PLGRKT: variants seen among roughly 807,000 people sequenced by gnomAD.
PLGRKT encodes plasminogen receptor (KT).
A neutral mutation model predicts 18.5 loss-of-function variants in PLGRKT; 22 were observed. The ratio of observed to expected loss-of-function variants is 1.19; its 90% CI spans 0.85 to 1.70. The LOEUF is 1.70. PLGRKT is among the 40% of genes most tolerant of loss of function. The probability of loss-of-function intolerance (pLI) is 0.00; values close to 1 mark genes in which losing one functional copy is unlikely to be tolerated. For synonymous variants in PLGRKT, 72 were observed against 52.8 expected (o/e 1.36, Z -1.58); for missense variants, 235 against 174.4 (o/e 1.35, Z -1.96).
chr9:5,380,183 T>C (rs1817712267), intron 3 of PLGRKT, among the ~76,000 whole-genome samples: 1 of 151,880 alleles, frequency 6.6e-6, no homozygotes, highest in Non-Finnish European at 1.5e-5. Context: ...GCTAACACGG[T>C]GAAACCCCGT....
intron 3 of PLGRKT, among the ~76,000 whole-genome samples, chr9:5,410,532 G>T (rs1256563198): frequency 6.7e-6 from 1 of 149,004 alleles, no homozygotes; most frequent in Non-Finnish European, 1.5e-5. Context: ...AAAGAAAAAA[G>T]AAAAAGAAAT....
At chr9:5,379,747 A>G (rs1241730424) in intron 3 of PLGRKT, among the ~76,000 whole-genome samples, 1 of 152,218 alleles carries the variant, frequency 6.6e-6, no homozygotes, top group African/African-American at 2.4e-5. Flanking sequence ...TGAGTCTCAT[A>G]TAGATAAAAA....
chr9:5,429,183 A>G (rs567168175), intron 3 of PLGRKT, among the ~76,000 whole-genome samples: 9 of 152,320 alleles, frequency 5.9e-5, no homozygotes, highest in Admixed American at 2.0e-4. Context: ...GATGTATTAC[A>G]TGCTTGTATT....
intron 3 of PLGRKT, among the ~76,000 whole-genome samples, chr9:5,403,525 A>T (rs117802049): frequency 6.6e-6 from 1 of 152,312 alleles, no homozygotes; most frequent in East Asian, 1.9e-4. Context: ...ACGCCCAGCC[A>T]TGATTCTCAT....
chr9:5,397,333 G>A (rs1404699635), intron 3 of PLGRKT, among the ~76,000 whole-genome samples: 3 of 151,870 alleles, frequency 2.0e-5, no homozygotes, highest in Admixed American at 1.3e-4. Flanking sequence ...TCCAAAGGCA[G>A]CTCTTCCCTG....
At chr9:5,366,315 G>A (rs900858878) in intron 3 of PLGRKT, among the ~76,000 whole-genome samples, 9 of 152,100 alleles carry the variant, frequency 5.9e-5, no homozygotes, top group Non-Finnish European at 1.2e-4. Flanking sequence ...AACATGTGCA[G>A]CAAGTTCTCT....
At chr9:5,400,672 T>G (rs1818137281) in intron 3 of PLGRKT, among the ~76,000 whole-genome samples, 3 of 151,878 alleles carry the variant, frequency 2.0e-5, no homozygotes, top group Admixed American at 2.0e-4. Flanking sequence ...ATAAAAGTAC[T>G]CAACCTTGTC....
chr9:5,384,180 TG>T (rs1817798790), intron 3 of PLGRKT, among the ~76,000 whole-genome samples: 1 of 152,212 alleles, frequency 6.6e-6, no homozygotes, highest in African/African-American at 2.4e-5. Flanking sequence ...AAGCCATTGT[TG>T]GGGGAGATCC....
intron 3 of PLGRKT, among the ~76,000 whole-genome samples, chr9:5,372,934 G>A (rs1563769269): frequency 6.6e-6 from 1 of 152,090 alleles, no homozygotes; most frequent in Admixed American, 6.5e-5. Context: ...TTTTCCCCGT[G>A]GTCACAGTTA....
rs71326158 is a variant in PLGRKT, at chr9:5,371,986, C to CTTTTTTTTTTTTTTTTTTTTTTTTTT, written c.82-10099_82-10098insAAAAAAAAAAAAAAAAAAAAAAAAAA. ...CTGCAAAAAACAATATCAGAAAATC[C>CTTTTTTTTTTTTTTTTTTTTTTTTTT]TTTTTTTTTTTTTGATATGGAGTCT... On this transcript the variant is annotated intron_variant, in intron 3 of 5. Coordinates refer to ENST00000223864, the MANE Select transcript of PLGRKT (RefSeq NM_018465.4). Among the ~76,000 whole-genome samples, 324 of 88,994 alleles carry CTTTTTTTTTTTTTTTTTTTTTTTTTT rather than the reference C, an allele frequency of 3.6e-3. 59 individuals carry two copies. Among genetic ancestry groups the CTTTTTTTTTTTTTTTTTTTTTTTTTT allele is most frequent in the Non-Finnish European group, 4.0e-3 (192 of 48,520 alleles). 58.4% of individuals were successfully genotyped at this position (88,994 alleles called of 152,430 possible). A position where few individuals can be genotyped will look rare whatever the true frequency, so the allele number is the denominator to read the frequency against.
intron 5 of PLGRKT, among the ~76,000 whole-genome samples, chr9:5,359,057 C>A (rs919708241): frequency 7.5e-6 from 1 of 134,072 alleles, no homozygotes; most frequent in Non-Finnish European, 1.5e-5. Context: ...TTTTAACACA[C>A]TATTTTATTT....
At chr9:5,404,247 A>C (rs573232405) in intron 3 of PLGRKT, among the ~76,000 whole-genome samples, 1 of 152,268 alleles carries the variant, frequency 6.6e-6, no homozygotes, top group Non-Finnish European at 1.5e-5. Flanking sequence ...ACAATTGAAA[A>C]GGAGGGACCC....
chr9:5,382,463 C>A (rs1221734626), intron 3 of PLGRKT, among the ~76,000 whole-genome samples: 2 of 152,080 alleles, frequency 1.3e-5, no homozygotes, highest in Non-Finnish European at 2.9e-5. Context: ...GCACTTCAGG[C>A]AGAGGGAACA....
intron 3 of PLGRKT, among the ~76,000 whole-genome samples, chr9:5,396,100 G>T (rs892402446): frequency 1.3e-5 from 2 of 151,254 alleles, no homozygotes; most frequent in African/African-American, 4.9e-5. Flanking sequence ...CACCATGTGG[G>T]CCAGGCTGGT....
At chr9:5,376,054 T>C (rs1029402663) in intron 3 of PLGRKT, among the ~76,000 whole-genome samples, 9 of 152,164 alleles carry the variant, frequency 5.9e-5, no homozygotes, top group Admixed American at 3.9e-4. Flanking sequence ...TACAACCACA[T>C]GGATGAACTT....
intron 3 of PLGRKT, among the ~76,000 whole-genome samples, chr9:5,376,691 A>G (rs907430370): frequency 6.6e-6 from 1 of 152,172 alleles, no homozygotes. Flanking sequence ...GATGTGGAAA[A>G]TTCTGTAAGG....
intron 3 of PLGRKT, among the ~76,000 whole-genome samples, chr9:5,375,933 A>G (rs1817617963): frequency 6.6e-6 from 1 of 152,232 alleles, no homozygotes. Context: ...ACAACAGCCA[A>G]AAGGTAGAAG....
chr9:5,372,458 T>C (rs776009249), intron 3 of PLGRKT, among the ~76,000 whole-genome samples: 45 of 152,174 alleles, frequency 3.0e-4, no homozygotes, highest in Non-Finnish European at 5.9e-4. Flanking sequence ...ACAAGATTGA[T>C]TTCAGGGTAT....
intron 3 of PLGRKT, among the ~76,000 whole-genome samples, chr9:5,400,931 G>C (rs1818141951): frequency 6.6e-6 from 1 of 151,926 alleles, no homozygotes; most frequent in Non-Finnish European, 1.5e-5. Flanking sequence ...CTAAGTGTAA[G>C]GGTAAGTGTA....
Sources: gnomAD v4.1 joint callset for allele counts (sites outside exome capture counted in the v4.1 genomes callset) on GRCh38, gnomAD v4.1.1 for gene constraint, MANE v1.5 for transcripts, NCBI Gene and HGNC (gene_info 2026-07-23, HGNC 2026-07-21) for gene names.